ZC3H12B: variants seen among roughly 807,000 people sequenced by gnomAD.
ZC3H12B encodes probable ribonuclease ZC3H12B.
ZC3H12B carries 7 observed loss-of-function variants against 43.9 expected under a neutral mutation model. The observed-to-expected ratio is 0.16, with a 90% CI of 0.09 to 0.30. The LOEUF is 0.30. Ranked by LOEUF, ZC3H12B falls within the 10% of genes least tolerant of loss-of-function variation. ZC3H12B has a pLI of 1.00. For synonymous variants in ZC3H12B, 222 were observed against 241.7 expected (o/e 0.92, Z 0.76); for missense variants, 475 against 670.2 (o/e 0.71, Z 3.22).
the ZC3H12B span, among the ~76,000 whole-genome samples, chrX:65,205,777 C>A: frequency 9.0e-6 from 1 of 111,361 alleles, no homozygotes; most frequent in Non-Finnish European, 1.9e-5. Flanking sequence ...ACCCTAAAGA[C>A]TCATCCAAAA....
At chrX:65,437,719 C>CTT (rs374777591) in intron 3 of ZC3H12B, among the ~76,000 whole-genome samples, 1 of 110,995 alleles carries the variant, frequency 9.0e-6, no homozygotes, top group African/African-American at 3.3e-5. Context: ...TTGACTCTTT[C>CTT]TTTTTTTTCT....
chrX:65,182,825 T>A, the ZC3H12B span, among the ~76,000 whole-genome samples: 31 of 111,764 alleles, frequency 2.8e-4, no homozygotes, highest in African/African-American at 1.0e-3. Flanking sequence ...GAAAAATTGC[T>A]CAATATTACT....
At chrX:65,202,557 C>T in the ZC3H12B span, among the ~76,000 whole-genome samples, 3 of 110,553 alleles carry the variant, frequency 2.7e-5, no homozygotes, top group African/African-American at 3.3e-5. Context: ...TACTCTTGTT[C>T]TCTTCCCTTT....
chrX:65,175,242 T>C, the ZC3H12B span, among the ~76,000 whole-genome samples: 1 of 112,029 alleles, frequency 8.9e-6, no homozygotes, highest in Non-Finnish European at 1.9e-5. Flanking sequence ...AGATGAACTG[T>C]GTACCTCATT....
the ZC3H12B span, among the ~76,000 whole-genome samples, chrX:65,112,316 C>T: frequency 8.9e-6 from 1 of 112,271 alleles, no homozygotes; most frequent in African/African-American, 3.2e-5. Flanking sequence ...AAGAAGCTGT[C>T]TTCATAACAT....
chrX:65,117,984 G>T, the ZC3H12B span, among the ~76,000 whole-genome samples: 2 of 111,720 alleles, frequency 1.8e-5, no homozygotes, highest in Non-Finnish European at 3.8e-5. Context: ...ATAGTTTGAA[G>T]TCAGGTAGCA....
At chrX:65,216,018 A>G in the ZC3H12B span, among the ~76,000 whole-genome samples, 26 of 111,917 alleles carry the variant, frequency 2.3e-4, no homozygotes, top group South Asian at 9.5e-3. Context: ...TGTAGCACCC[A>G]TATAATTGTT....
chrX:65,052,358 A>C, the ZC3H12B span, among the ~76,000 whole-genome samples: 1 of 111,093 alleles, frequency 9.0e-6, no homozygotes, highest in Admixed American at 9.6e-5. Flanking sequence ...AAGATGTACA[A>C]TTAAGTTATT....
At chrX:65,143,489 C>A in the ZC3H12B span, among the ~76,000 whole-genome samples, 1 of 109,696 alleles carries the variant, frequency 9.1e-6, no homozygotes, top group African/African-American at 3.3e-5. Flanking sequence ...TGGTGTATCA[C>A]ATTTATTGAC....
chrX:65,282,199 C>G, the ZC3H12B span, among the ~76,000 whole-genome samples: 1 of 110,990 alleles, frequency 9.0e-6, no homozygotes, highest in African/African-American at 3.3e-5. Context: ...CTTGTAATCT[C>G]AATGCTTTTA....
intron 3 of ZC3H12B, among the ~76,000 whole-genome samples, chrX:65,405,131 C>A (rs2066807187): frequency 8.9e-6 from 1 of 111,787 alleles, no homozygotes. Context: ...TTTTTGTAAA[C>A]TTCTTAAAAC....
chrX:65,151,761 G>A, the ZC3H12B span, among the ~76,000 whole-genome samples: 5 of 111,107 alleles, frequency 4.5e-5, no homozygotes, highest in South Asian at 1.5e-3. Flanking sequence ...TACCAAAGCC[G>A]GGCACAGACA....
chrX:65,363,352 G>A (rs186480599), upstream of ZC3H12B, among the ~76,000 whole-genome samples: 12 of 111,224 alleles, frequency 1.1e-4, no homozygotes, highest in East Asian at 1.4e-3. Context: ...TCTCCCTGCC[G>A]TTTGTGTCCG....
the ZC3H12B span, among the ~76,000 whole-genome samples, chrX:65,349,417 G>A: frequency 1.8e-5 from 2 of 112,073 alleles, no homozygotes; most frequent in Admixed American, 9.5e-5. Context: ...AAGCAGAGAA[G>A]ATGTAAATTT....
intron 1 of ZC3H12B, among the ~76,000 whole-genome samples, chrX:65,368,349 T>C (rs1357555463): frequency 9.0e-6 from 1 of 111,665 alleles, no homozygotes; most frequent in Admixed American, 9.6e-5. Flanking sequence ...TCTTATTTTG[T>C]TTTGCATAAA....
chrX:65,254,701 A>G, the ZC3H12B span, among the ~76,000 whole-genome samples: 1 of 112,286 alleles, frequency 8.9e-6, no homozygotes, highest in Admixed American at 9.4e-5. Context: ...AATGACTCTT[A>G]ACCAGGCTGA....
intron 1 of ZC3H12B, among the ~76,000 whole-genome samples, chrX:65,491,705 TA>T (rs748640341): frequency 2.5e-4 from 24 of 94,218 alleles, no homozygotes; most frequent in African/African-American, 6.4e-4. Flanking sequence ...AGGCCCTATT[TA>T]AAAAAAAAAT....
At chrX:65,140,144 A>G in the ZC3H12B span, among the ~76,000 whole-genome samples, 1 of 111,329 alleles carries the variant, frequency 9.0e-6, no homozygotes, top group South Asian at 3.8e-4. Flanking sequence ...AAAAGTGTTG[A>G]CAGTAGGCAT....
upstream of ZC3H12B, among the ~76,000 whole-genome samples, chrX:65,365,885 C>T (rs1345553374): frequency 1.8e-5 from 2 of 109,496 alleles, no homozygotes; most frequent in Non-Finnish European, 3.8e-5. Flanking sequence ...TCCTATAAAA[C>T]GACCCCACTG....
Sources: gnomAD v4.1 joint callset for allele counts (sites outside exome capture counted in the v4.1 genomes callset) on GRCh38, gnomAD v4.1.1 for gene constraint, MANE v1.5 for transcripts, NCBI Gene and HGNC (gene_info 2026-07-23, HGNC 2026-07-21) for gene names.